SH3KBP1: variants seen among roughly 807,000 people sequenced by gnomAD.
SH3KBP1 encodes the protein SH3 domain-containing kinase-binding protein 1.
SH3KBP1 carries 8 observed loss-of-function variants against 50.1 expected under a neutral mutation model. That is an observed-to-expected ratio of 0.16 (90% CI 0.09 to 0.29). SH3KBP1 has a LOEUF of 0.29. Among genes scored for constraint, SH3KBP1 ranks in the 10% least tolerant of loss-of-function variants. The pLI is 1.00. For missense variants in SH3KBP1, 377 were observed against 535.2 expected, an observed-to-expected ratio of 0.70 and a Z score of 2.92; for synonymous variants, 227 against 218.6, an observed-to-expected ratio of 1.04 and a Z score of -0.34.
In SH3KBP1 at chrX:19,887,356, G is replaced by C. The variant is rs2069626142; in HGVS notation, c.-46C>G. On this transcript the variant is annotated 5_prime_UTR_variant, in exon 1 of 18. Transcript: ENST00000397821. Reference sequence around the variant, plus strand: ...CCGCCGAGGCAGCGTGAAAGTTGGCGGAGGCGGGCGTGGGGGTTGGGGCGC... The same window carrying C: ...CCGCCGAGGCAGCGTGAAAGTTGGCCGAGGCGGGCGTGGGGGTTGGGGCGC... The C allele has an allele frequency of 2.1e-6, 2 of 958,094 alleles. No homozygotes were observed. The highest frequency in any genetic ancestry group is 2.6e-6 in the Non-Finnish European group (2 of 764,346). The allele number at this position is 958,094 out of a possible 1,213,427, so 79.0% of individuals were successfully genotyped here.
chrX:19,647,721 G>A (rs2062021336), intron 6 of SH3KBP1, among the ~76,000 whole-genome samples: 1 of 111,222 alleles, frequency 9.0e-6, no homozygotes, highest in Non-Finnish European at 1.9e-5. Flanking sequence ...CCAGTGCTCC[G>A]GAGATGGGAA....
At chrX:19,543,223 G>A (rs2064984593) in intron 15 of SH3KBP1, among the ~76,000 whole-genome samples, 1 of 111,877 alleles carries the variant, frequency 8.9e-6, no homozygotes, top group African/African-American at 3.3e-5. Context: ...AGGATGCAGA[G>A]GGTGGAGGAG....
At chrX:19,769,122 C>T (rs1212822960) in intron 2 of SH3KBP1, among the ~76,000 whole-genome samples, 2 of 95,863 alleles carry the variant, frequency 2.1e-5, no homozygotes, top group African/African-American at 8.0e-5. Context: ...CTCTGTCACT[C>T]AGGCTAGAGT....
chrX:19,706,680 T>C (rs1210407132), intron 4 of SH3KBP1, among the ~76,000 whole-genome samples: 1 of 110,951 alleles, frequency 9.0e-6, no homozygotes, highest in Non-Finnish European at 1.9e-5. Flanking sequence ...TGCTTTCCAA[T>C]GGCCCCAGGT....
At chrX:19,836,876 T>C (rs1259631943) in intron 1 of SH3KBP1, among the ~76,000 whole-genome samples, 1 of 111,446 alleles carries the variant, frequency 9.0e-6, no homozygotes, top group Non-Finnish European at 1.9e-5. Context: ...AGTGAGTGAG[T>C]TCTCATGAGA....
intron 2 of SH3KBP1, among the ~76,000 whole-genome samples, chrX:19,763,478 TC>T (rs1317513767): frequency 8.9e-6 from 1 of 112,524 alleles, no homozygotes; most frequent in Admixed American, 9.4e-5. Context: ...TTGTCAATTC[TC>T]CTACATAGCA....
intron 1 of SH3KBP1, among the ~76,000 whole-genome samples, chrX:19,858,363 G>GT (rs898553361): frequency 6.3e-5 from 7 of 110,972 alleles, no homozygotes; most frequent in African/African-American, 2.3e-4. Flanking sequence ...GCTTACACCT[G>GT]TAATACCAGC....
At chrX:19,743,197 CAGGCGTTCAAGACTAGCT>C (rs1268670535) in intron 3 of SH3KBP1, among the ~76,000 whole-genome samples, 1 of 111,513 alleles carries the variant, frequency 9.0e-6, no homozygotes, top group Non-Finnish European at 1.9e-5. Flanking sequence ...TGCTTGAGCC[CAGGCGTTCAAGACTAGCT>C]AGGCAACATG....
intron 5 of SH3KBP1, among the ~76,000 whole-genome samples, chrX:19,684,314 C>T (rs755874384): frequency 6.3e-5 from 7 of 111,653 alleles, no homozygotes; most frequent in South Asian, 3.7e-4. Flanking sequence ...CCTCTTTAGC[C>T]GGGAGCCTGG....
At chrX:19,795,084 C>T (rs1205126937) in intron 2 of SH3KBP1, among the ~76,000 whole-genome samples, 1 of 112,057 alleles carries the variant, frequency 8.9e-6, no homozygotes, top group African/African-American at 3.2e-5. Context: ...CTCAATGCTT[C>T]AAGGCATGTT....
chrX:19,830,978 C>T (rs1017026922), intron 2 of SH3KBP1, among the ~76,000 whole-genome samples: 2 of 111,834 alleles, frequency 1.8e-5, no homozygotes, highest in African/African-American at 6.5e-5. Flanking sequence ...AATGGGATGG[C>T]CTGCTACTCA....
chrX:19,595,209 A>G (rs1216033930), intron 9 of SH3KBP1, among the ~76,000 whole-genome samples: 3 of 112,134 alleles, frequency 2.7e-5, no homozygotes, highest in African/African-American at 9.7e-5. Flanking sequence ...CAAAACTCCA[A>G]TCGACAAATG....
At chrX:19,702,473 G>A (rs1464225977) in intron 4 of SH3KBP1, among the ~76,000 whole-genome samples, 1 of 110,585 alleles carries the variant, frequency 9.0e-6, no homozygotes, top group Non-Finnish European at 1.9e-5. Flanking sequence ...GCCTGACTGG[G>A]GGCCACTGAG....
intron 2 of SH3KBP1, among the ~76,000 whole-genome samples, chrX:19,776,139 G>A (rs1306706554): frequency 9.0e-6 from 1 of 111,631 alleles, no homozygotes; most frequent in African/African-American, 3.3e-5. Context: ...AAAGACCTCA[G>A]AAGATACTTT....
chrX:19,654,118 G>A (rs925885915), intron 6 of SH3KBP1, among the ~76,000 whole-genome samples: 7 of 111,615 alleles, frequency 6.3e-5, no homozygotes, highest in African/African-American at 2.3e-4. Context: ...CACACACAGA[G>A]GGACATGTGT....
rs999670110 is a variant in SH3KBP1, at chrX:19,599,867, G to A, written c.1006-4867C>T. Among the ~76,000 whole-genome samples, 3 of 111,112 alleles carry A rather than the reference G, an allele frequency of 2.7e-5. No homozygotes were observed. In the East Asian group the frequency reaches 8.4e-4, roughly 31 times the overall value. On this transcript the variant is annotated intron_variant, in intron 9 of 17. Coordinates refer to ENST00000397821, the MANE Select transcript of SH3KBP1 (RefSeq NM_031892.3). ...ATGTTTTTTAAAAAATGCAACAGGCGCCAGGCGCGGTGGCTCACGCCTGTA... is the reference window on the plus strand; with the variant it reads ...ATGTTTTTTAAAAAATGCAACAGGCACCAGGCGCGGTGGCTCACGCCTGTA...
intron 1 of SH3KBP1, among the ~76,000 whole-genome samples, chrX:19,854,407 C>T (rs956612607): frequency 8.1e-5 from 9 of 111,643 alleles, no homozygotes; most frequent in African/African-American, 2.3e-4. Context: ...TGAGCCACCA[C>T]GCCCAGCCGG....
chrX:19,852,636 GA>G (rs760707711), intron 1 of SH3KBP1, among the ~76,000 whole-genome samples: 1,539 of 51,912 alleles, frequency 0.03, 35 homozygotes, highest in African/African-American at 0.074. Flanking sequence ...TAGCTGCACA[GA>G]AAAAAAAAAA....
intron 12 of SH3KBP1, among the ~76,000 whole-genome samples, chrX:19,584,263 A>T (rs1203031925): frequency 3.9e-5 from 3 of 77,018 alleles, no homozygotes; most frequent in South Asian, 9.6e-4. Flanking sequence ...TATACAAAAT[A>T]CATATTTATA....
Sources: gnomAD v4.1 joint callset for allele counts (sites outside exome capture counted in the v4.1 genomes callset) on GRCh38, gnomAD v4.1.1 for gene constraint, MANE v1.5 for transcripts, NCBI Gene and HGNC (gene_info 2026-07-23, HGNC 2026-07-21) for gene names.